The following YES1 variants were observed in gnomAD, a reference collection of about 807,000 sequenced individuals.
The protein encoded by YES1 is tyrosine-protein kinase Yes.
In YES1, 39 loss-of-function variants were observed where a neutral mutation model predicts 70.4. That is an observed-to-expected ratio of 0.55 (90% CI 0.43 to 0.72). The LOEUF (loss-of-function observed/expected upper bound fraction) is 0.72. YES1 is among the 30% of genes least tolerant of loss of function. YES1 has a pLI of 0.00. For missense variants in YES1, 495 were observed against 644.8 expected (o/e 0.77, Z 2.52); for synonymous variants, 198 against 218.6 (o/e 0.91, Z 0.83).
intron 1 of YES1, among the ~76,000 whole-genome samples, chr18:777,967 T>C (rs1320133453): frequency 1.3e-5 from 2 of 152,216 alleles, no homozygotes; most frequent in African/African-American, 4.8e-5. Flanking sequence ...ACACACATTA[T>C]GTTGTACAGT....
At chr18:787,027 G>A (rs1476376925) in intron 1 of YES1, among the ~76,000 whole-genome samples, 1 of 137,636 alleles carries the variant, frequency 7.3e-6, no homozygotes, top group Non-Finnish European at 1.5e-5. Context: ...TATGAATATT[G>A]ATAGAAAAGA....
chr18:727,942 G>A (rs918836978), intron 11 of YES1, among the ~76,000 whole-genome samples: 10 of 152,194 alleles, frequency 6.6e-5, no homozygotes, highest in East Asian at 1.9e-4. Context: ...GAAATGTTTG[G>A]GACCAGAAGT....
chr18:768,794 C>T (rs907649447), intron 1 of YES1, among the ~76,000 whole-genome samples: 2 of 151,138 alleles, frequency 1.3e-5, no homozygotes, highest in African/African-American at 2.4e-5. Flanking sequence ...CCTCCGCTTC[C>T]CAGGTTCAAG....
At chr18:792,812 TAAA>T (rs1004216380) in intron 1 of YES1, among the ~76,000 whole-genome samples, 4 of 149,704 alleles carry the variant, frequency 2.7e-5, no homozygotes, top group Non-Finnish European at 4.4e-5. Flanking sequence ...TAAAAAAATG[TAAA>T]AAAGAAAGAA....
chr18:753,094 C>G (rs2080362860), intron 2 of YES1, among the ~76,000 whole-genome samples: 1 of 152,076 alleles, frequency 6.6e-6, no homozygotes, highest in Non-Finnish European at 1.5e-5. Context: ...AATAATAAAA[C>G]AGATGTATAC....
chr18:747,961 C>T lies in YES1; in HGVS notation c.429G>A (p.Pro143=), dbSNP rs1215306652. The T allele has an allele frequency of 5.0e-6, 8 of 1,613,694 alleles. No individual in the cohort carries two copies. The highest frequency in any genetic ancestry group is 1.3e-5 in the African/African-American group (1 of 74,918). Residue 143 remains proline (P), a synonymous_variant, in exon 4 of 12, where the codon CCG becomes CCA. Transcript: ENST00000314574. ...SIATGKNGYI[P]SNYVAPADSI... ...AATCTGCAGGCGCTACATAATTGCT[C>T]GGGATATAACCATTCTTTCCTGTAG... is the stretch of plus-strand genomic sequence containing the variant.
At chr18:769,580 A>G (rs1905065889) in intron 1 of YES1, among the ~76,000 whole-genome samples, 3 of 152,316 alleles carry the variant, frequency 2.0e-5, no homozygotes, top group Admixed American at 6.5e-5. Flanking sequence ...GCAGAACTTC[A>G]TAAGGCCAAG....
intron 3 of YES1, among the ~76,000 whole-genome samples, chr18:750,163 T>A (rs902378020): frequency 6.6e-6 from 1 of 152,184 alleles, no homozygotes; most frequent in African/African-American, 2.4e-5. Flanking sequence ...CCCTTAATAA[T>A]TCAAATATTT....
chr18:739,788 C>T lies in YES1; in HGVS notation c.1084G>A (p.Glu362Lys), dbSNP rs2080195992. Residue 362 changes from glutamate (E) to lysine (K), a missense_variant, in exon 9 of 12, where the codon GAA becomes AAA. Physicochemically the swap from Glu to Lys is moderately conservative, Grantham distance 56. Around this residue, in one of 2 missense-constraint regions of YES1, gnomAD observed 385 missense variants for 540.9 expected, o/e 0.71. Coordinates refer to ENST00000314574, the MANE Select transcript of YES1 (RefSeq NM_005433.4). The part of the protein sequence containing the change: ...SKGSLLDFLK[E>K]GDGKYLKLPQ... ...AGCTTCAAATACTTTCCATCTCCTTCCTTAAGGAAATCTAATAAGCTTCCT... is the reference window on the plus strand; with the variant it reads ...AGCTTCAAATACTTTCCATCTCCTTTCTTAAGGAAATCTAATAAGCTTCCT... The T allele has an allele frequency of 6.2e-7, 1 of 1,611,542 alleles. No individual in the cohort carries two copies. Among genetic ancestry groups the T allele is most frequent in the African/African-American group, 1.3e-5 (1 of 74,844 alleles).
chr18:751,673 T>C, intron 3 of YES1, 32 bp downstream of exon 3: 1 of 1,380,406 alleles, frequency 7.2e-7, no homozygotes, highest in South Asian at 1.2e-5. Flanking sequence ...TTTCTGTCAG[T>C]ATTTCTCTCA....
At chr18:735,801 A>G (rs2080146365) in intron 10 of YES1, 1 of 152,110 alleles carries the variant, frequency 6.6e-6, no homozygotes, top group Non-Finnish European at 1.5e-5. Flanking sequence ...CCACTAAAGA[A>G]CTAGTTTCCC....
chr18:771,879 C>A (rs960687728), intron 1 of YES1, among the ~76,000 whole-genome samples: 3 of 152,062 alleles, frequency 2.0e-5, no homozygotes, highest in African/African-American at 4.8e-5. Flanking sequence ...CTTGGTAAGT[C>A]TAAACATTTA....
chr18:743,380 C>G lies in YES1; in HGVS notation c.760G>C (p.Val254Leu), dbSNP rs1186498894. 6.2e-7 allele frequency: 1 copy of G among 1,612,938 alleles called. No homozygotes were observed. The highest frequency in any genetic ancestry group is 2.2e-5 in the East Asian group (1 of 44,876). Reference protein sequence around the residue: ...ADGLCHKLTTVCPTVKPQTQG... With the variant: ...ADGLCHKLTTLCPTVKPQTQG... Reference sequence around the variant, plus strand: ...GTCTGAGGTTTCACAGTTGGACACACAGTTGTCAACTTGTGGCATAAACCA... The same window carrying G: ...GTCTGAGGTTTCACAGTTGGACACAGAGTTGTCAACTTGTGGCATAAACCA... The change falls in exon 7 of 12, where the codon GTG becomes CTG. Residue 254 changes from valine to leucine, a missense_variant. Val to Leu is a conservative substitution (Grantham distance 32). This residue lies in a region of YES1 where 385 missense variants were observed against 540.9 expected (regional missense o/e 0.71). Coordinates refer to ENST00000314574, the MANE Select transcript of YES1 (RefSeq NM_005433.4).
At chr18:730,409 A>G (rs1427869867) in intron 11 of YES1, among the ~76,000 whole-genome samples, 1 of 151,122 alleles carries the variant, frequency 6.6e-6, no homozygotes, top group African/African-American at 2.4e-5. Context: ...CAGTGGCGCA[A>G]TCATAGCTCA....
chr18:747,496 C>T (rs1320057740), intron 4 of YES1, among the ~76,000 whole-genome samples: 32 of 152,056 alleles, frequency 2.1e-4, no homozygotes. Flanking sequence ...TAAGTCTTGG[C>T]ATCATAAATA....
At chr18:757,515 A>AG (rs1904353539) in intron 1 of YES1, among the ~76,000 whole-genome samples, 2 of 147,566 alleles carry the variant, frequency 1.4e-5, no homozygotes, top group Non-Finnish European at 3.0e-5. Flanking sequence ...AAAAAAAAAA[A>AG]AAAGAAAGAA....
In YES1 at chr18:732,868, T is replaced by C; in HGVS notation, c.1389A>G (p.Thr463=). The part of the protein sequence containing the change: ...SDVWSFGILQ[T]ELVTKGRVPY... ...GCACTCGGCCCTTTGTTACTAGTTC[T>C]GTTTGCAGAATTCCAAATGACCAGA... The change falls in exon 11 of 12, where the codon ACA becomes ACG. Residue 463 remains threonine, a synonymous_variant. Transcript: ENST00000314574. 1 of 1,614,254 alleles carries C rather than the reference T, an allele frequency of 6.2e-7. No homozygotes were observed. Among genetic ancestry groups the C allele is most frequent in the Non-Finnish European group, 8.5e-7 (1 of 1,180,044 alleles).
intron 11 of YES1, among the ~76,000 whole-genome samples, 173 bp downstream of exon 11, chr18:732,661 A>C (rs1019306940): frequency 2.0e-5 from 3 of 152,036 alleles, no homozygotes; most frequent in African/African-American, 7.2e-5. Context: ...TTACCCGTCC[A>C]ATGCCACAGT....
Position 756,658 on chromosome 18 carries a change from A to G in YES1, c.170T>C (p.Leu57Pro). ...AKGTAVNFSS[L>P]SMTPFGGSSG... ...GGATCCTCCAAATGGTGTCATGGAA[A>G]GACTGCTGAAATTAACTGCTGTTCC... The change falls in exon 2 of 12, where the codon CTT (leucine) becomes CCT (proline). Residue 57 changes from leucine to proline, a missense_variant. By Grantham distance (98) the Leu-to-Pro change is moderately conservative. This residue lies in a region of YES1 where 110 missense variants were observed against 104.0 expected (regional missense o/e 1.06). Transcript: ENST00000314574. 1 of 1,614,202 alleles carries G rather than the reference A, an allele frequency of 6.2e-7. No homozygotes were observed. Among genetic ancestry groups the G allele is most frequent in the Non-Finnish European group, 8.5e-7 (1 of 1,180,034 alleles).
Sources: allele counts gnomAD v4.1 joint callset (sites outside exome capture counted in the v4.1 genomes callset), GRCh38; gene constraint gnomAD v4.1.1; regional missense constraint gnomAD v4.1.1; transcripts MANE v1.5; gene names NCBI Gene and HGNC (gene_info 2026-07-23, HGNC 2026-07-21).